Variants in PRTG observed in about 807,000 individuals in gnomAD.
PRTG encodes the protein protogenin, also known as immunoglobulin superfamily, DCC subclass, member 5.
In PRTG, 67 loss-of-function variants were observed where a neutral mutation model predicts 122.5. That is an observed-to-expected ratio of 0.55 (90% CI 0.45 to 0.67). The LOEUF is 0.67. Among genes scored for constraint, PRTG ranks in the 30% least tolerant of loss-of-function variants. The pLI, the probability that PRTG is intolerant of heterozygous loss-of-function variation, is 0.00. For synonymous variants in PRTG, 554 were observed against 501.1 expected (o/e 1.11, Z -1.41); for missense variants, 1,435 against 1,415.4 (o/e 1.01, Z -0.22).
At position 55,646,173 on chromosome 15, in the gene PRTG, GTTT is replaced by G. The variant is rs545958068; in HGVS notation, c.2042-4968_2042-4966del. ...AGGCATGCACCACCATGCCCAGCTAGTTTTTTTTTTTTTTTTTTTTAGTACAGA... is the reference window on the plus strand; with the variant it reads ...AGGCATGCACCACCATGCCCAGCTAGTTTTTTTTTTTTTTTTTAGTACAGA... On this transcript the variant is annotated intron_variant, in intron 11 of 19. Transcript: ENST00000389286. Among the ~76,000 whole-genome samples, 10 of 124,314 alleles carry G rather than the reference GTTT, an allele frequency of 8.0e-5. No homozygotes were observed. The South Asian group carries it at 2.0e-3, about 25-fold the overall frequency. 81.6% of individuals were successfully genotyped at this position (124,314 alleles called of 152,430 possible).
In PRTG at chr15:55,619,678, C is replaced by T. The variant is rs945833169; in HGVS notation, c.*334G>A. The T allele has an allele frequency of 2.5e-5, 6 of 238,140 alleles. No individual in the cohort carries two copies. The highest frequency in any genetic ancestry group is 9.7e-5 in the East Asian group (1 of 10,296). 14.8% of individuals were successfully genotyped at this position (238,140 alleles called of 1,614,324 possible). A position where few individuals can be genotyped will look rare whatever the true frequency, so the allele number is the denominator to read the frequency against. ...TTATAATCCAGTCAAACATCTCGAC[C>T]GTTCTTTCACATTGCTGACAATGAA... On this transcript the variant is annotated 3_prime_UTR_variant, in exon 20 of 20. Transcript: ENST00000389286.
chr15:55,653,702 G>A (rs1465405787), intron 11 of PRTG, among the ~76,000 whole-genome samples: 2 of 152,154 alleles, frequency 1.3e-5, no homozygotes, highest in Non-Finnish European at 2.9e-5. Context: ...GACCTCAGGT[G>A]ATCTGCCCGC....
intron 2 of PRTG, among the ~76,000 whole-genome samples, chr15:55,704,604 C>T (rs1256078780): frequency 6.6e-6 from 1 of 152,178 alleles, no homozygotes; most frequent in African/African-American, 2.4e-5. Context: ...AATAACCACT[C>T]AGTGGTATTT....
At chr15:55,739,146 T>C (rs1290694461) in intron 2 of PRTG, among the ~76,000 whole-genome samples, 2 of 152,198 alleles carry the variant, frequency 1.3e-5, no homozygotes, top group Non-Finnish European at 2.9e-5. Context: ...AATATAAGGA[T>C]GGCATAAATG....
At chr15:55,629,284 T>G (rs2059212296) in intron 15 of PRTG, among the ~76,000 whole-genome samples, 1 of 152,102 alleles carries the variant, frequency 6.6e-6, no homozygotes, top group Admixed American at 6.6e-5. Context: ...AGTATGTACA[T>G]TTCCCCAATA....
chr15:55,716,115 G>A (rs2030587767), intron 2 of PRTG, among the ~76,000 whole-genome samples: 3 of 152,074 alleles, frequency 2.0e-5, no homozygotes, highest in Admixed American at 6.6e-5. Context: ...GGTGGCACGC[G>A]CCACCTGCTC....
chr15:55,671,939 A>G (rs2059474337), intron 11 of PRTG, among the ~76,000 whole-genome samples: 1 of 152,236 alleles, frequency 6.6e-6, no homozygotes, highest in African/African-American at 2.4e-5. Context: ...TACAAAGTTA[A>G]GTGCTTTTTC....
chr15:55,734,487 A>G (rs1031677961), intron 2 of PRTG, among the ~76,000 whole-genome samples: 8 of 152,106 alleles, frequency 5.3e-5, no homozygotes, highest in African/African-American at 1.9e-4. Flanking sequence ...TTTAAGGACT[A>G]AATCCAATAA....
chr15:55,680,754 T>C (rs555853058), intron 4 of PRTG, 126 bp from the exon 5 acceptor site: 56 of 520,142 alleles, frequency 1.1e-4, no homozygotes, highest in Non-Finnish European at 1.2e-4. Flanking sequence ...GAGATATAAC[T>C]CACATACCAT....
At position 55,653,024 on chromosome 15, in the gene PRTG, C is replaced by G. The variant is rs563597177; in HGVS notation, c.2042-11816G>C. Among the ~76,000 whole-genome samples, 9 of 152,248 alleles carry G rather than the reference C, an allele frequency of 5.9e-5. No individual in the cohort carries two copies. In the South Asian group the frequency reaches 1.9e-3, roughly 32 times the overall value. On this transcript the variant is annotated intron_variant, in intron 11 of 19. Transcript: ENST00000389286. Reference sequence around the variant, plus strand: ...TAAAAATTCATTCTCCATTTATAAACTGAATTTCTAAAAGGGATTGTTAAT... The same window carrying G: ...TAAAAATTCATTCTCCATTTATAAAGTGAATTTCTAAAAGGGATTGTTAAT...
intron 11 of PRTG, chr15:55,656,092 A>G (rs887595874): frequency 4.7e-6 from 1 of 213,832 alleles, no homozygotes; most frequent in Non-Finnish European, 9.5e-6. Flanking sequence ...TAAACACAGT[A>G]TTATTATACC....
intron 11 of PRTG, among the ~76,000 whole-genome samples, chr15:55,659,045 G>A (rs2059395374): frequency 6.6e-6 from 1 of 152,188 alleles, no homozygotes; most frequent in South Asian, 2.1e-4. Flanking sequence ...AGATGTCACT[G>A]TAACACTCAG....
At position 55,616,361 on chromosome 15, in the gene PRTG, G is replaced by A. The variant is rs1010571902; in HGVS notation, c.*3651C>T. On this transcript the variant is annotated 3_prime_UTR_variant, in exon 20 of 20. Transcript: ENST00000389286. ...CCTCTTACATCCTTAGAGATGAAAA[G>A]CATCCCTATTATTAAGGGACTGCCT... is the stretch of plus-strand genomic sequence containing the variant. 2 of 152,120 alleles carry A rather than the reference G, an allele frequency of 1.3e-5. No individual in the cohort carries two copies. The highest frequency in any genetic ancestry group is 4.8e-5 in the African/African-American group (2 of 41,438). The allele number at this position is 152,120 out of a possible 1,614,324, so 9.4% of individuals were successfully genotyped here.
rs369794263 is a variant in PRTG at position 55,620,149 on chromosome 15, C to G, written c.3316G>C (p.Gly1106Arg). The G allele has an allele frequency of 1.8e-5, 29 of 1,614,166 alleles. No individual in the cohort carries two copies. The highest frequency in any genetic ancestry group is 2.4e-5 in the Non-Finnish European group (28 of 1,180,036). ...GQTTSFSRPF[G>R]VAADTEHSAN... is the part of the protein sequence containing the mutation. ...GAATGTTCTGTATCAGCTGCAACACCAAAGGGTCTTGAGAAGCTGGTTGTC... is the reference window on the plus strand; with the variant it reads ...GAATGTTCTGTATCAGCTGCAACACGAAAGGGTCTTGAGAAGCTGGTTGTC... The change falls in exon 20 of 20, where the codon GGT becomes CGT. Residue 1106 changes from glycine to arginine, a missense_variant. Physicochemically the swap from Gly to Arg is moderately radical, Grantham distance 125. Transcript: ENST00000389286.
intron 11 of PRTG, among the ~76,000 whole-genome samples, chr15:55,667,522 T>C (rs985991020): frequency 5.3e-5 from 8 of 152,134 alleles, no homozygotes; most frequent in Admixed American, 2.6e-4. Context: ...TTCTGCTCTA[T>C]TGGCAAATTA....
At chr15:55,704,257 C>A (rs1404477292) in intron 2 of PRTG, among the ~76,000 whole-genome samples, 2 of 152,130 alleles carry the variant, frequency 1.3e-5, no homozygotes, top group Non-Finnish European at 2.9e-5. Flanking sequence ...ACATTCCATG[C>A]AATTTTACAC....
At chr15:55,656,407 G>A (rs1049210882) in intron 11 of PRTG, 1 of 445,602 alleles carries the variant, frequency 2.2e-6, no homozygotes, top group African/African-American at 2.0e-5. Context: ...CTTTAATTTA[G>A]GGTACTTTAT....
In PRTG at chr15:55,620,021, G is replaced by C. The variant is rs370777308; in HGVS notation, c.3444C>G (p.Pro1148=). ...HLSSVISTTP[P]NL ...ACTGCCAGTGAAAGAATCAGAGGTT[G>C]GGGGGTGTGGTACTTATAACTGAGG... Residue 1148 remains proline, a synonymous_variant, in exon 20 of 20, where the codon CCC becomes CCG. Transcript: ENST00000389286. The C allele has an allele frequency of 6.2e-7, 1 of 1,613,922 alleles. No homozygotes were observed. The highest frequency in any genetic ancestry group is 2.2e-5 in the East Asian group (1 of 44,874).
rs992781439 is a variant in PRTG, at chr15:55,618,270, G to C, written c.*1742C>G. The C allele has an allele frequency of 2.0e-5, 3 of 152,136 alleles. No homozygotes were observed. Among genetic ancestry groups the C allele is most frequent in the Non-Finnish European group, 2.9e-5 (2 of 68,028 alleles). 9.4% of individuals were successfully genotyped at this position (152,136 alleles called of 1,614,324 possible). A position where few individuals can be genotyped will look rare whatever the true frequency, so the allele number is the denominator to read the frequency against. On this transcript the variant is annotated 3_prime_UTR_variant, in exon 20 of 20. Transcript: ENST00000389286. Reference sequence around the variant, plus strand: ...TGTTATATCTACAGTCATTAGACTAGCAGATGATGCTGGGACTATTATCTG... The same window carrying C: ...TGTTATATCTACAGTCATTAGACTACCAGATGATGCTGGGACTATTATCTG...
Sources: gnomAD v4.1 joint callset for allele counts (sites outside exome capture counted in the v4.1 genomes callset) on GRCh38, gnomAD v4.1.1 for gene constraint, MANE v1.5 for transcripts, NCBI Gene and HGNC (gene_info 2026-07-23, HGNC 2026-07-21) for gene names.